RMDN2: variants seen among roughly 807,000 people sequenced by gnomAD.
The protein encoded by RMDN2 is regulator of microtubule dynamics protein 2.
A neutral mutation model predicts 52.8 loss-of-function variants in RMDN2; 61 were observed. That is an observed-to-expected ratio of 1.16 (90% CI 0.94 to 1.43). The LOEUF (loss-of-function observed/expected upper bound fraction) is 1.43. Among genes scored for constraint, RMDN2 ranks in the 40% most tolerant of loss-of-function variants. The pLI, the probability that RMDN2 is intolerant of heterozygous loss-of-function variation, is 0.00. For synonymous variants in RMDN2, 180 were observed against 153.1 expected, an observed-to-expected ratio of 1.18 and a Z score of -1.30; for missense variants, 592 against 475.3, an observed-to-expected ratio of 1.25 and a Z score of -2.28.
At chr2:38,065,442 G>T (rs1027205682) in intron 10 of RMDN2, among the ~76,000 whole-genome samples, 1 of 151,942 alleles carries the variant, frequency 6.6e-6, no homozygotes, top group African/African-American at 2.4e-5. Flanking sequence ...TCTTAGCTCT[G>T]ACCCAAAGGG....
At chr2:38,016,239 T>C (rs1249334191) in intron 10 of RMDN2, among the ~76,000 whole-genome samples, 1 of 152,234 alleles carries the variant, frequency 6.6e-6, no homozygotes, top group Non-Finnish European at 1.5e-5. Flanking sequence ...AGCAAGGCTC[T>C]AACAGCCTGT....
chr2:37,946,066 C>T (rs1358604971), intron 2 of RMDN2, among the ~76,000 whole-genome samples: 1 of 152,156 alleles, frequency 6.6e-6, no homozygotes, highest in African/African-American at 2.4e-5. Flanking sequence ...TACTATATTT[C>T]GTTAATTCTA....
chr2:38,006,256 T>G (rs1677070958), intron 10 of RMDN2, among the ~76,000 whole-genome samples: 1 of 152,192 alleles, frequency 6.6e-6, no homozygotes, highest in Non-Finnish European at 1.5e-5. Flanking sequence ...ATTGGTAGCT[T>G]GATGGGGATG....
At chr2:38,009,442 C>G (rs1176071326) in intron 10 of RMDN2, among the ~76,000 whole-genome samples, 1 of 152,162 alleles carries the variant, frequency 6.6e-6, no homozygotes, top group Non-Finnish European at 1.5e-5. Flanking sequence ...CTTCTCCTCT[C>G]GCTTCATTTC....
intron 2 of RMDN2, among the ~76,000 whole-genome samples, chr2:37,944,716 C>G (rs144572194): frequency 6.6e-6 from 1 of 152,114 alleles, no homozygotes; most frequent in African/African-American, 2.4e-5. Flanking sequence ...TATGTGGACA[C>G]CAGAAGAGTA....
chr2:37,964,525 T>C (rs1036734501), intron 2 of RMDN2, among the ~76,000 whole-genome samples: 1 of 152,252 alleles, frequency 6.6e-6, no homozygotes, highest in Non-Finnish European at 1.5e-5. Context: ...GTTTCATGTT[T>C]ATTGTGATCC....
chr2:37,944,643 G>A, intron 2 of RMDN2, among the ~76,000 whole-genome samples: 1 of 152,190 alleles, frequency 6.6e-6, no homozygotes, highest in Non-Finnish European at 1.5e-5. Flanking sequence ...TGCAGGAGAA[G>A]TTGCTGGGTA....
chr2:38,047,486 A>G (rs1681343559), intron 10 of RMDN2, among the ~76,000 whole-genome samples: 1 of 152,254 alleles, frequency 6.6e-6, no homozygotes, highest in South Asian at 2.1e-4. Flanking sequence ...TCTTCCTAAC[A>G]TTATGCTAAG....
At chr2:37,922,752 T>C (rs142518988), upstream of RMDN2, among the ~76,000 whole-genome samples, 16 of 152,330 alleles carry the variant, frequency 1.1e-4, no homozygotes, top group East Asian at 2.7e-3. Context: ...ATACTTCTTA[T>C]GGGGAAGGAG....
At chr2:38,026,365 G>T (rs373473956) in intron 10 of RMDN2, among the ~76,000 whole-genome samples, 44 of 152,042 alleles carry the variant, frequency 2.9e-4, no homozygotes, top group African/African-American at 9.6e-4. Flanking sequence ...TATATTTGCT[G>T]TTACCCTACA....
At chr2:38,022,416 G>A (rs902182957), downstream of RMDN2, among the ~76,000 whole-genome samples, 1 of 152,214 alleles carries the variant, frequency 6.6e-6, no homozygotes, top group African/African-American at 2.4e-5. Context: ...GAGTGTTCCT[G>A]AAATGAGGAT....
chr2:38,028,538 G>C (rs1171428466), intron 10 of RMDN2, among the ~76,000 whole-genome samples: 1 of 152,078 alleles, frequency 6.6e-6, no homozygotes, highest in East Asian at 1.9e-4. Context: ...TTCACTTCTT[G>C]CTAGTAATGG....
intron 7 of RMDN2, among the ~76,000 whole-genome samples, chr2:37,995,292 C>T (rs1423084207): frequency 6.6e-6 from 1 of 151,374 alleles, no homozygotes; most frequent in Non-Finnish European, 1.5e-5. Flanking sequence ...GTTGGGGGTC[C>T]TGGAATATAC....
At chr2:38,064,853 T>C (rs552144234) in intron 10 of RMDN2, among the ~76,000 whole-genome samples, 67 of 152,296 alleles carry the variant, frequency 4.4e-4, no homozygotes, top group African/African-American at 1.6e-3. Flanking sequence ...GGTCATGCCA[T>C]GTGTTGGTGG....
intron 10 of RMDN2, among the ~76,000 whole-genome samples, chr2:38,035,307 T>C (rs1680498376): frequency 6.6e-6 from 1 of 152,106 alleles, no homozygotes; most frequent in Non-Finnish European, 1.5e-5. Context: ...CCCCAAAAGT[T>C]TGAACAAATA....
intron 2 of RMDN2, among the ~76,000 whole-genome samples, chr2:37,957,522 T>C (rs572527908): frequency 6.6e-6 from 1 of 152,220 alleles, no homozygotes; most frequent in Non-Finnish European, 1.5e-5. Flanking sequence ...TTATTTAAGT[T>C]CCTTGTAGAT....
At chr2:38,036,473 T>G (rs1008596380) in intron 10 of RMDN2, 2 of 152,180 alleles carry the variant, frequency 1.3e-5, no homozygotes, top group African/African-American at 2.4e-5. Flanking sequence ...GACTCCAGGA[T>G]AGCAAGAGTC....
chr2:38,050,749 T>A (rs1355593178), intron 10 of RMDN2, among the ~76,000 whole-genome samples: 1 of 152,140 alleles, frequency 6.6e-6, no homozygotes, highest in East Asian at 1.9e-4. Context: ...TTCATTTGTT[T>A]TAGTTTGTTG....
intron 5 of RMDN2, among the ~76,000 whole-genome samples, chr2:37,987,976 T>G (rs549558695): frequency 2.0e-5 from 3 of 152,256 alleles, no homozygotes; most frequent in African/African-American, 7.2e-5. Flanking sequence ...TGAGAATTGC[T>G]TGAACCTGGG....
Sources: allele counts gnomAD v4.1 joint callset (sites outside exome capture counted in the v4.1 genomes callset), GRCh38; gene constraint gnomAD v4.1.1; transcripts MANE v1.5; gene names NCBI Gene and HGNC (gene_info 2026-07-23, HGNC 2026-07-21).